The following ZNF486 variants were observed in gnomAD, a reference collection of about 807,000 sequenced individuals.
The protein encoded by ZNF486 is zinc finger protein 486.
A neutral mutation model predicts 12.8 loss-of-function variants in ZNF486; 12 were observed. The observed-to-expected ratio is 0.94, with a 90% CI of 0.60 to 1.52. ZNF486 has a LOEUF of 1.52. Among genes scored for constraint, ZNF486 ranks in the 40% most tolerant of loss-of-function variants. The pLI, the probability that ZNF486 is intolerant of heterozygous loss-of-function variation, is 0.00. For synonymous variants in ZNF486, 231 were observed against 184.9 expected, an observed-to-expected ratio of 1.25 and a Z score of -2.02; for missense variants, 738 against 545.0, an observed-to-expected ratio of 1.35 and a Z score of -3.53.
chr19:20,190,648 G>T (rs1023904517), intron 3 of ZNF486, among the ~76,000 whole-genome samples: 1 of 152,168 alleles, frequency 6.6e-6, no homozygotes, highest in Non-Finnish European at 1.5e-5. Context: ...GTCTCCCAAA[G>T]TGTTAGGGTT....
intron 1 of ZNF486, among the ~76,000 whole-genome samples, chr19:20,181,438 C>T (rs1195527822): frequency 2.0e-5 from 3 of 151,386 alleles, no homozygotes; most frequent in African/African-American, 7.3e-5. Context: ...ACTGAGGAGG[C>T]TGAGGCAGGA....
chr19:20,185,287 A>G (rs902225373), intron 2 of ZNF486, among the ~76,000 whole-genome samples: 2 of 149,438 alleles, frequency 1.3e-5, no homozygotes, highest in African/African-American at 2.5e-5. Flanking sequence ...TTCTTTCTCT[A>G]TTTTATCAGA....
chr19:20,170,381 C>T (rs1555713730), intron 1 of ZNF486, among the ~76,000 whole-genome samples: 1 of 151,814 alleles, frequency 6.6e-6, no homozygotes, highest in Non-Finnish European at 1.5e-5. Flanking sequence ...GCCTGGCCAA[C>T]ACGGTGAAAA....
At chr19:20,184,518 C>A (rs781887152) in intron 2 of ZNF486, 36 bp downstream of exon 2, 1 of 1,535,852 alleles carries the variant, frequency 6.5e-7, no homozygotes, top group Non-Finnish European at 8.7e-7. Context: ...CATAAAAAAC[C>A]CCAAAAGTTT....
chr19:20,197,137 A>G lies in ZNF486; in HGVS notation c.427A>G (p.Asn143Asp), dbSNP rs187936661. ...ACACAAAAGAGGTTATAATGGACTT[A>G]ACCAATGTTTGACAACTACCCAGAG... ...KLHKRGYNGL[N>D]QCLTTTQSKI... Residue 143 changes from asparagine to aspartate, a missense_variant, in exon 4 of 4, where the codon AAC becomes GAC. Asn to Asp is a conservative substitution (Grantham distance 23, BLOSUM62 1). Transcript: ENST00000335117. The G allele has an allele frequency of 1.2e-4, 199 of 1,613,988 alleles. 3 individuals are homozygous for G. Among genetic ancestry groups the G allele is most frequent in the Middle Eastern group, 8.3e-4 (5 of 6,058 alleles).
At chr19:20,176,058 C>T in intron 1 of ZNF486, 1 of 178,768 alleles carries the variant, frequency 5.6e-6, no homozygotes, top group South Asian at 9.6e-5. Context: ...AGATGCTACT[C>T]ACTTCCCAGA....
At chr19:20,178,797 G>A (rs2089752336) in intron 1 of ZNF486, among the ~76,000 whole-genome samples, 2 of 152,178 alleles carry the variant, frequency 1.3e-5, no homozygotes, top group Non-Finnish European at 2.9e-5. Flanking sequence ...TCATAGGGCA[G>A]CAATCAATCA....
rs572832338 is a variant in ZNF486, at chr19:20,187,312, C to T, written c.253+1230C>T. On this transcript the variant is annotated intron_variant, in intron 3 of 3. Coordinates refer to ENST00000335117, the MANE Select transcript of ZNF486 (RefSeq NM_052852.4). ...TGTACTATTTATTGATTTTTAAATA[C>T]AAGATTATACGATCTACAAACAGCG... 9.2e-5 allele frequency among the ~76,000 whole-genome samples: 14 copies of T among 152,086 alleles called. No individual in the cohort carries two copies. In the South Asian group the frequency reaches 2.7e-3, roughly 29 times the overall value.
At chr19:20,171,961 G>C (rs984016299) in intron 1 of ZNF486, among the ~76,000 whole-genome samples, 1 of 149,590 alleles carries the variant, frequency 6.7e-6, no homozygotes, top group Non-Finnish European at 1.5e-5. Context: ...ACATGCATTT[G>C]GTTTTCTGTT....
chr19:20,179,962 C>A (rs183736329), intron 1 of ZNF486, among the ~76,000 whole-genome samples: 2 of 152,178 alleles, frequency 1.3e-5, no homozygotes, highest in African/African-American at 4.8e-5. Context: ...GTTTCTTTCT[C>A]TCATCCAAGA....
At position 20,197,212 on chromosome 19, in the gene ZNF486, A is replaced by T. The variant is rs782544501; in HGVS notation, c.502A>T (p.Asn168Tyr). Residue 168 changes from asparagine to tyrosine, a missense_variant, in exon 4 of 4, where the codon AAT becomes TAT. Transcript: ENST00000335117. ...TGTGAAAGTCTTTCATCAATTTTCA[A>T]ATTCAAAGAGACATAAAAGAAGACA... ...KYVKVFHQFS[N>Y]SKRHKRRHTE... 1.9e-6 allele frequency: 3 copies of T among 1,613,110 alleles called. No homozygotes were observed. The highest frequency in any genetic ancestry group is 2.5e-6 in the Non-Finnish European group (3 of 1,179,768).
At chr19:20,172,937 A>G (rs2089665987) in intron 1 of ZNF486, among the ~76,000 whole-genome samples, 1 of 152,172 alleles carries the variant, frequency 6.6e-6, no homozygotes, top group Non-Finnish European at 1.5e-5. Context: ...CACCACGCCC[A>G]GCCAAGTTCT....
chr19:20,193,223 G>T (rs1261625204), intron 3 of ZNF486, among the ~76,000 whole-genome samples: 1 of 150,702 alleles, frequency 6.6e-6, no homozygotes, highest in Admixed American at 6.6e-5. Flanking sequence ...TTTATATGGT[G>T]TATCTATTAA....
At chr19:20,186,412 G>T (rs114042824) in intron 3 of ZNF486, among the ~76,000 whole-genome samples, 1 of 152,062 alleles carries the variant, frequency 6.6e-6, no homozygotes, top group Non-Finnish European at 1.5e-5. Context: ...AAATATCTGC[G>T]TGATTTTGAG....
In ZNF486 at chr19:20,198,670, C is replaced by T; in HGVS notation, c.*568C>T. ...CCCAAGTAGCTGGGATTACAGGTGC[C>T]ACCACCATTCCCAGCTAATTTTTGT... On this transcript the variant is annotated 3_prime_UTR_variant, in exon 4 of 4. Transcript: ENST00000335117. 6.5e-6 allele frequency: 1 copy of T among 153,728 alleles called. No individual in the cohort carries two copies. 9.5% of individuals were successfully genotyped at this position (153,728 alleles called of 1,614,324 possible). A position where few individuals can be genotyped will look rare whatever the true frequency, so the allele number is the denominator to read the frequency against.
intron 1 of ZNF486, among the ~76,000 whole-genome samples, chr19:20,178,102 TA>T (rs34848948): frequency 0.17 from 26,019 of 149,418 alleles, 2,694 homozygotes; most frequent in East Asian, 0.47. Flanking sequence ...TTTTTTTTTG[TA>T]TTTTTAGTAG....
chr19:20,183,616 C>T (rs1364924507), intron 1 of ZNF486, among the ~76,000 whole-genome samples: 1 of 152,092 alleles, frequency 6.6e-6, no homozygotes, highest in Non-Finnish European at 1.5e-5. Flanking sequence ...TATCGTAGTG[C>T]AGTTAATGGT....
At chr19:20,195,702 C>G (rs2089951325) in intron 3 of ZNF486, among the ~76,000 whole-genome samples, 1 of 152,272 alleles carries the variant, frequency 6.6e-6, no homozygotes, top group Admixed American at 6.5e-5. Flanking sequence ...ATTTTTCAAA[C>G]ATGTTTTTAG....
At chr19:20,194,684 C>T (rs1249750125) in intron 3 of ZNF486, among the ~76,000 whole-genome samples, 7 of 151,928 alleles carry the variant, frequency 4.6e-5, no homozygotes, top group African/African-American at 1.7e-4. Context: ...GCCAAGATTG[C>T]ATCATTGCAC....
Sources: gnomAD v4.1 joint callset for allele counts (sites outside exome capture counted in the v4.1 genomes callset) on GRCh38, gnomAD v4.1.1 for gene constraint, MANE v1.5 for transcripts, NCBI Gene and HGNC (gene_info 2026-07-23, HGNC 2026-07-21) for gene names.